Variants in CTBP1 observed in about 807,000 individuals in gnomAD.
CTBP1 encodes C-terminal binding protein 1, also known as C-terminal-binding protein 1.
A neutral mutation model predicts 42.1 loss-of-function variants in CTBP1; 11 were observed. The observed-to-expected ratio is 0.26, with a 90% confidence interval of 0.16 to 0.43. The LOEUF is 0.43. Among genes scored for constraint, CTBP1 ranks in the 20% least tolerant of loss-of-function variants. The probability of loss-of-function intolerance (pLI) is 1.00; values close to 1 mark genes in which losing one functional copy is unlikely to be tolerated. For missense variants in CTBP1, 399 were observed against 624.3 expected (o/e 0.64, Z 3.85); for synonymous variants, 324 against 277.1 (o/e 1.17, Z -1.68).
chr4:1,232,486 AT>A (rs1731062153), intron 3 of CTBP1, among the ~76,000 whole-genome samples: 1 of 151,672 alleles, frequency 6.6e-6, no homozygotes. Context: ...TAATTTCTAT[AT>A]TTTTAGTAGA....
At chr4:1,249,642 G>A (rs954779006), upstream of CTBP1, 2 of 424,410 alleles carry the variant, frequency 4.7e-6, no homozygotes, top group African/African-American at 2.1e-5. Flanking sequence ...CCCGAGCCCT[G>A]ATTTACCGTC....
In CTBP1 at chr4:1,248,966, G is replaced by A. The variant is rs1324358599; in HGVS notation, c.-239C>T. 3 of 998,428 alleles carry A rather than the reference G, an allele frequency of 3.0e-6. No individual in the cohort carries two copies. The highest frequency in any genetic ancestry group is 1.8e-5 in the African/African-American group (1 of 56,254). The allele number at this position is 998,428 out of a possible 1,614,324, so 61.8% of individuals were successfully genotyped here. On this transcript the variant is annotated 5_prime_UTR_variant, in exon 1 of 10. Coordinates refer to ENST00000382952, the MANE Select transcript of CTBP1 (RefSeq NM_001012614.2). ...GTGCGAGCTGCCCATCGAGAGGCGC[G>A]AGCGGCCGCGGGCCCCGACCACTCC...
chr4:1,248,736 T>A (rs1733037689), intron 1 of CTBP1, 180 bp downstream of exon 1: 1 of 978,148 alleles, frequency 1.0e-6, no homozygotes, highest in Admixed American at 6.3e-5. Context: ...CGCAAGACCC[T>A]TCCCGCGGTC....
intron 4 of CTBP1, among the ~76,000 whole-genome samples, chr4:1,227,833 C>T (rs981425600): frequency 6.6e-6 from 1 of 152,248 alleles, no homozygotes; most frequent in Admixed American, 6.5e-5. Flanking sequence ...CGCTGCTGTT[C>T]CCGCTGTGTC....
chr4:1,216,288 T>C, intron 5 of CTBP1, 83 bp from the exon 6 acceptor site: 1 of 1,355,312 alleles, frequency 7.4e-7, no homozygotes, highest in South Asian at 1.4e-5. Flanking sequence ...CGGAGTGGCC[T>C]CTGTGCCTCA....
Position 1,216,156 on chromosome 4 carries a change from G to A in CTBP1, c.564C>T (p.Asn188=), listed in dbSNP as rs747578892. The A allele has an allele frequency of 2.0e-5, 33 of 1,610,912 alleles. No homozygotes were observed. The highest frequency in any genetic ancestry group is 4.0e-5 in the African/African-American group (3 of 74,882). ...VALRAKAFGF[N]VLFYDPYLSD... Reference sequence around the variant, plus strand: ...ACAAGTAAGGGTCGTAGAAGAGCACGTTGAAGCCGAAGGCCTTGGCCCGCA... The same window carrying A: ...ACAAGTAAGGGTCGTAGAAGAGCACATTGAAGCCGAAGGCCTTGGCCCGCA... Residue 188 remains asparagine (N), a synonymous_variant, in exon 6 of 10, where the codon AAC becomes AAT. Coordinates refer to ENST00000382952, the MANE Select transcript of CTBP1 (RefSeq NM_001012614.2).
At chr4:1,229,111 G>A (rs540392641) in intron 3 of CTBP1, among the ~76,000 whole-genome samples, 234 of 152,306 alleles carry the variant, frequency 1.5e-3, no homozygotes, top group African/African-American at 5.2e-3. Flanking sequence ...ACATGGCATC[G>A]CTGTGGTCAC....
At chr4:1,226,197 A>C (rs1314930610) in intron 4 of CTBP1, among the ~76,000 whole-genome samples, 2 of 151,976 alleles carry the variant, frequency 1.3e-5, no homozygotes, top group African/African-American at 4.8e-5. Context: ...CCTTGTCCCC[A>C]GAGACAGGCC....
upstream of CTBP1, chr4:1,249,871 A>G (rs949070040): frequency 1.0e-5 from 2 of 198,376 alleles, no homozygotes; most frequent in African/African-American, 2.4e-5. Context: ...CCCTTTAAGC[A>G]TTAATATCAA....
At position 1,238,751 on chromosome 4, in the gene CTBP1, C is replaced by T. The variant is rs527989671; in HGVS notation, c.8-414G>A. Among the ~76,000 whole-genome samples, 9 of 151,164 alleles carry T rather than the reference C, an allele frequency of 6.0e-5. No homozygotes were observed. Among genetic ancestry groups the T allele is most frequent in the African/African-American group, 2.2e-4 (9 of 41,126 alleles). On this transcript the variant is annotated intron_variant, in intron 2 of 9. Coordinates refer to ENST00000382952, the MANE Select transcript of CTBP1 (RefSeq NM_001012614.2). The surrounding 1 kb of genome is among the most constrained non-coding windows in gnomAD (Gnocchi z 5.9). Reference sequence around the variant, plus strand: ...CCCTCTGAGACTCCCCAAGACATTTCCAGACCCACCGAGACACCTCCCGAC... The same window carrying T: ...CCCTCTGAGACTCCCCAAGACATTTTCAGACCCACCGAGACACCTCCCGAC...
At chr4:1,223,882 G>A (rs1730019666) in intron 5 of CTBP1, among the ~76,000 whole-genome samples, 1 of 152,252 alleles carries the variant, frequency 6.6e-6, no homozygotes, top group Non-Finnish European at 1.5e-5. Flanking sequence ...CTGGCTGTGT[G>A]GGGCCGGTTC....
At position 1,235,860 on chromosome 4, in the gene CTBP1, C is replaced by T. The variant is rs1731446062; in HGVS notation, c.162+2323G>A. 6.6e-6 allele frequency: 1 copy of T among 152,240 alleles called. No individual in the cohort carries two copies. The highest frequency in any genetic ancestry group is 1.5e-5 in the Non-Finnish European group (1 of 68,050). 9.4% of individuals were successfully genotyped at this position (152,240 alleles called of 1,614,324 possible). ...CTGACGCTGTCTTCCTCTAAAGGGG[C>T]CGTCTTACTTCTTTTGCCAGGCACC... On this transcript the variant is annotated intron_variant, in intron 3 of 9. Transcript: ENST00000382952. The surrounding 1 kb of genome is among the most constrained non-coding windows in gnomAD (Gnocchi z 4.2).
chr4:1,230,424 C>T lies in CTBP1; in HGVS notation c.163-2081G>A, dbSNP rs983681974. On this transcript the variant is annotated intron_variant, in intron 3 of 9. Transcript: ENST00000382952. ...GAGTCACCTGCAGATGAAGCTTCGT[C>T]GGCACCCACTGTGGGCAGGAGGGGC... Among the ~76,000 whole-genome samples, 3 of 152,334 alleles carry T rather than the reference C, an allele frequency of 2.0e-5. No individual in the cohort carries two copies. In the East Asian group the frequency reaches 5.8e-4, roughly 29 times the overall value.
chr4:1,225,076 C>T (rs1310948116), intron 5 of CTBP1, among the ~76,000 whole-genome samples: 2 of 151,104 alleles, frequency 1.3e-5, no homozygotes, highest in Non-Finnish European at 3.0e-5. Context: ...CCATGAGACC[C>T]ACGTGCTGTG....
At chr4:1,217,390 G>A (rs530276760) in intron 5 of CTBP1, 8 of 152,510 alleles carry the variant, frequency 5.2e-5, no homozygotes, top group Non-Finnish European at 1.2e-4. Flanking sequence ...GCGGAGGTGG[G>A]AGCAGCAGTT....
At chr4:1,216,304 AC>A in intron 5 of CTBP1, 99 bp from the exon 6 acceptor site, 1 of 1,205,312 alleles carries the variant, frequency 8.3e-7, no homozygotes, top group Non-Finnish European at 1.2e-6. Context: ...CCTCAGTTTG[AC>A]CATCTGCCAA....
At chr4:1,237,949 A>C (rs1333557547) in intron 3 of CTBP1, 11 of 671,514 alleles carry the variant, frequency 1.6e-5, no homozygotes, top group African/African-American at 1.1e-4. Context: ...GGGCACAGGG[A>C]AAACCCCGTG....
chr4:1,218,694 CT>C (rs755386603), intron 5 of CTBP1: 11 of 152,226 alleles, frequency 7.2e-5, no homozygotes, highest in African/African-American at 2.7e-4. Flanking sequence ...CCGCGGGCCT[CT>C]GGCCGCCCTG....
chr4:1,228,680 C>G (rs1334842151), intron 3 of CTBP1, among the ~76,000 whole-genome samples: 1 of 150,506 alleles, frequency 6.6e-6, no homozygotes. Context: ...TCTGCTCAGC[C>G]TTGTGGAAGA....
Sources: gnomAD v4.1 joint callset for allele counts (sites outside exome capture counted in the v4.1 genomes callset) on GRCh38, gnomAD v4.1.1 for gene constraint, Gnocchi (gnomAD v3.1) non-coding constraint, MANE v1.5 for transcripts, NCBI Gene and HGNC (gene_info 2026-07-23, HGNC 2026-07-21) for gene names.